Variants in CHCHD3 observed in about 807,000 individuals in gnomAD.
CHCHD3 encodes coiled-coil-helix-coiled-coil-helix domain containing 3, also known as MICOS complex subunit MIC19.
A neutral mutation model predicts 38.2 loss-of-function variants in CHCHD3; 20 were observed. That is an observed-to-expected ratio of 0.52 (90% CI 0.37 to 0.76). CHCHD3 has a LOEUF of 0.76. Ranked by LOEUF, CHCHD3 falls within the 30% of genes least tolerant of loss-of-function variation. The pLI is 0.00. For synonymous variants in CHCHD3, 82 were observed against 100.0 expected, an observed-to-expected ratio of 0.82 and a Z score of 1.07; for missense variants, 245 against 279.2, an observed-to-expected ratio of 0.88 and a Z score of 0.87.
At chr7:132,901,326 C>T (rs926575615) in intron 4 of CHCHD3, among the ~76,000 whole-genome samples, 2 of 152,186 alleles carry the variant, frequency 1.3e-5, no homozygotes, top group African/African-American at 4.8e-5. Flanking sequence ...GAAGAGAATG[C>T]GCTCAAAGCA....
chr7:133,028,042 A>G (rs1342971000), intron 2 of CHCHD3, among the ~76,000 whole-genome samples: 3 of 152,218 alleles, frequency 2.0e-5, no homozygotes, highest in Non-Finnish European at 4.4e-5. Context: ...CTTCTCATAA[A>G]AAAGTAAAAC....
chr7:133,063,229 G>A (rs1814569903), intron 2 of CHCHD3, among the ~76,000 whole-genome samples: 1 of 152,140 alleles, frequency 6.6e-6, no homozygotes, highest in East Asian at 1.9e-4. Context: ...CAGAGAAAAG[G>A]TGTCCTAGGC....
chr7:133,076,558 T>C (rs76805423), intron 1 of CHCHD3, among the ~76,000 whole-genome samples: 3,929 of 152,288 alleles, frequency 0.026, 148 homozygotes, highest in African/African-American at 0.082. Flanking sequence ...TTTAAATTTG[T>C]GGTACTCACC....
At position 132,859,487 on chromosome 7, in the gene CHCHD3, A is replaced by C. The variant is rs375729263; in HGVS notation, c.454-21018T>G. On this transcript the variant is annotated intron_variant, in intron 5 of 7. Coordinates refer to ENST00000262570, the MANE Select transcript of CHCHD3 (RefSeq NM_017812.4). Reference sequence around the variant, plus strand: ...ACTGATACAGCAATTATAAAGGTCAAAGCTTATTTTCACCCTATGTAAATT... The same window carrying C: ...ACTGATACAGCAATTATAAAGGTCACAGCTTATTTTCACCCTATGTAAATT... 3.9e-3 allele frequency among the ~76,000 whole-genome samples: 587 copies of C among 152,366 alleles called. 5 individuals are homozygous for C. The highest frequency in any genetic ancestry group is 0.014 in the African/African-American group (572 of 41,586).
chr7:132,912,433 A>G (rs1221367944), intron 4 of CHCHD3, among the ~76,000 whole-genome samples: 2 of 152,230 alleles, frequency 1.3e-5, no homozygotes, highest in Admixed American at 1.3e-4. Context: ...AGTAAATTAC[A>G]TGTTAGCCCA....
intron 1 of CHCHD3, among the ~76,000 whole-genome samples, chr7:133,074,287 CA>C (rs747508250): frequency 2.6e-5 from 4 of 152,120 alleles, no homozygotes; most frequent in African/African-American, 4.8e-5. Flanking sequence ...GGGCCCAAAC[CA>C]GAATGGAAAT....
At chr7:132,988,943 A>G (rs1435984526) in intron 3 of CHCHD3, among the ~76,000 whole-genome samples, 1 of 152,172 alleles carries the variant, frequency 6.6e-6, no homozygotes, top group African/African-American at 2.4e-5. Context: ...AAAATAAAAA[A>G]ATAGTAACAC....
intron 4 of CHCHD3, among the ~76,000 whole-genome samples, chr7:132,913,954 T>C (rs1174176792): frequency 6.2e-5 from 9 of 146,162 alleles, no homozygotes; most frequent in Admixed American, 4.7e-4. Context: ...TTTTCTTTTT[T>C]TTTTTTTTTT....
rs60504335 is a variant in CHCHD3, at chr7:132,835,149, A to ATTTT, written c.524+3246_524+3249dup. 4.9e-3 allele frequency among the ~76,000 whole-genome samples: 680 copies of ATTTT among 138,848 alleles called. 5 individuals are homozygous for ATTTT. Among genetic ancestry groups the ATTTT allele is most frequent in the African/African-American group, 0.016 (609 of 37,782 alleles). 91.1% of individuals were successfully genotyped at this position (138,848 alleles called of 152,430 possible). A position where few individuals can be genotyped will look rare whatever the true frequency, so the allele number is the denominator to read the frequency against. On this transcript the variant is annotated intron_variant, in intron 6 of 7. Transcript: ENST00000262570. ...GCCACCACACCTGGTTAATTTTTGTATTTTTTTTTTTTTGTAAAGACAGGG... is the reference window on the plus strand; with the variant it reads ...GCCACCACACCTGGTTAATTTTTGTATTTTTTTTTTTTTTTTTGTAAAGACAGGG...
At position 132,800,275 on chromosome 7, in the gene CHCHD3, C is replaced by G. The variant is rs539668290; in HGVS notation, c.525-3698G>C. 7.9e-5 allele frequency among the ~76,000 whole-genome samples: 12 copies of G among 152,274 alleles called. No homozygotes were observed. The South Asian group carries it at 2.5e-3, about 32-fold the overall frequency. On this transcript the variant is annotated intron_variant, in intron 6 of 7. Coordinates refer to ENST00000262570, the MANE Select transcript of CHCHD3 (RefSeq NM_017812.4). ...CATTTCTGATTATTACCTTAGGAGA[C>G]TTTCCTGTAAGTTAAATTAACTGAT...
chr7:132,841,959 G>T (rs187111775), intron 5 of CHCHD3, among the ~76,000 whole-genome samples: 1 of 151,856 alleles, frequency 6.6e-6, no homozygotes, highest in Admixed American at 6.6e-5. Context: ...TTAGCCAGGC[G>T]TGGTGGCTCA....
At chr7:133,008,503 T>C (rs1311741184) in intron 3 of CHCHD3, among the ~76,000 whole-genome samples, 1 of 150,482 alleles carries the variant, frequency 6.6e-6, no homozygotes, top group Non-Finnish European at 1.5e-5. Context: ...AGGCCAAGAG[T>C]ATTTCCAACA....
chr7:133,024,804 A>G lies in CHCHD3; in HGVS notation c.170-177T>C, dbSNP rs577722795. ...TGGAAAAGGCCAATTAGTGCACTTC[A>G]GGAGTAATTTAATCAAGAGTTCCCT... On this transcript the variant is annotated intron_variant, in intron 2 of 7. Transcript: ENST00000262570. Among the ~76,000 whole-genome samples, 14 of 152,322 alleles carry G rather than the reference A, an allele frequency of 9.2e-5. No homozygotes were observed. In the East Asian group the frequency reaches 2.7e-3, roughly 29 times the overall value.
In CHCHD3 at chr7:132,871,538, T is replaced by C. The variant is rs77179030; in HGVS notation, c.453+14124A>G. On this transcript the variant is annotated intron_variant, in intron 5 of 7. Transcript: ENST00000262570. ...GAGGATAAACAGATAAGCAGACAAA[T>C]CTTCTCAACACGTGGACTGCTTGCC... Among the ~76,000 whole-genome samples, 457 of 152,284 alleles carry C rather than the reference T, an allele frequency of 3.0e-3. 3 individuals are homozygous for C. The highest frequency in any genetic ancestry group is 0.01 in the African/African-American group (436 of 41,564).
intron 3 of CHCHD3, among the ~76,000 whole-genome samples, chr7:132,981,012 G>A (rs932542233): frequency 1.3e-5 from 2 of 152,052 alleles, no homozygotes; most frequent in East Asian, 1.9e-4. Flanking sequence ...TTGAAACATG[G>A]TCTTGCTCTC....
At chr7:132,897,460 G>A (rs1233493647) in intron 4 of CHCHD3, among the ~76,000 whole-genome samples, 1 of 152,184 alleles carries the variant, frequency 6.6e-6, no homozygotes, top group African/African-American at 2.4e-5. Context: ...ATTCAGAGCT[G>A]AAGAAAACAT....
intron 2 of CHCHD3, among the ~76,000 whole-genome samples, chr7:133,048,488 C>T (rs1250490498): frequency 3.3e-5 from 5 of 152,028 alleles, no homozygotes; most frequent in African/African-American, 9.6e-5. Flanking sequence ...AAGATGAATC[C>T]GGCCTAATAG....
intron 3 of CHCHD3, among the ~76,000 whole-genome samples, chr7:133,004,593 A>C (rs1052722082): frequency 3.3e-5 from 5 of 152,240 alleles, no homozygotes; most frequent in Admixed American, 1.3e-4. Context: ...ACTTAAGCCC[A>C]GAAGTTGTAT....
At chr7:132,846,175 G>T (rs1808071756) in intron 5 of CHCHD3, among the ~76,000 whole-genome samples, 1 of 152,144 alleles carries the variant, frequency 6.6e-6, no homozygotes, top group South Asian at 2.1e-4. Flanking sequence ...TTCAGTCTGG[G>T]CTGTGTTTGT....
Sources: allele counts gnomAD v4.1 joint callset (sites outside exome capture counted in the v4.1 genomes callset), GRCh38; gene constraint gnomAD v4.1.1; transcripts MANE v1.5; gene names NCBI Gene and HGNC (gene_info 2026-07-23, HGNC 2026-07-21).